UNC13C: variants seen among roughly 807,000 people sequenced by gnomAD.
UNC13C encodes unc-13 homolog C.
A neutral mutation model predicts 245.4 loss-of-function variants in UNC13C; 174 were observed. The observed-to-expected ratio is 0.71, with a 90% confidence interval of 0.63 to 0.80. The LOEUF (loss-of-function observed/expected upper bound fraction) is 0.80. UNC13C is among the 30% of genes least tolerant of loss of function. The pLI, the probability that UNC13C is intolerant of heterozygous loss-of-function variation, is 0.00. For synonymous variants in UNC13C, 992 were observed against 895.1 expected (o/e 1.11, Z -1.93); for missense variants, 2,829 against 2,602.9 (o/e 1.09, Z -1.89).
chr15:53,891,508 GT>G, the UNC13C span, among the ~76,000 whole-genome samples: 2 of 152,062 alleles, frequency 1.3e-5, no homozygotes, highest in Non-Finnish European at 2.9e-5. Context: ...AAGTCTGTAG[GT>G]CTCTAAGAAC....
chr15:54,239,604 C>A (rs2035797638), intron 7 of UNC13C, among the ~76,000 whole-genome samples: 1 of 150,014 alleles, frequency 6.7e-6, no homozygotes, highest in Admixed American at 6.6e-5. Context: ...GCATATGCCA[C>A]CACACTCAGC....
chr15:54,269,475 T>G (rs2036630255), intron 10 of UNC13C, among the ~76,000 whole-genome samples: 1 of 151,674 alleles, frequency 6.6e-6, no homozygotes, highest in African/African-American at 2.4e-5. Flanking sequence ...CCAGTTGTAA[T>G]CAGTAAAATA....
At chr15:54,134,088 T>C (rs1444957457) in intron 2 of UNC13C, among the ~76,000 whole-genome samples, 1 of 147,682 alleles carries the variant, frequency 6.8e-6, no homozygotes, top group Non-Finnish European at 1.5e-5. Flanking sequence ...AGGACACTTA[T>C]GTACTATATT....
intron 25 of UNC13C, among the ~76,000 whole-genome samples, chr15:54,528,438 G>A (rs1204776907): frequency 6.6e-6 from 1 of 151,756 alleles, no homozygotes; most frequent in Non-Finnish European, 1.5e-5. Flanking sequence ...GGCTCCTTGG[G>A]TGCTCCGAAA....
chr15:54,235,238 C>T (rs2035661242), intron 5 of UNC13C, 130 bp downstream of exon 5: 14 of 633,154 alleles, frequency 2.2e-5, no homozygotes, highest in Middle Eastern at 2.9e-4. Flanking sequence ...AGGCCAGATG[C>T]TACCTGCTGT....
chr15:54,534,453 A>T (rs1895900673), intron 26 of UNC13C, among the ~76,000 whole-genome samples: 1 of 152,222 alleles, frequency 6.6e-6, no homozygotes, highest in Non-Finnish European at 1.5e-5. Context: ...CAGCAACTTA[A>T]AAGATTAAAG....
chr15:54,178,112 T>C (rs189114127), intron 4 of UNC13C, among the ~76,000 whole-genome samples: 1 of 152,296 alleles, frequency 6.6e-6, no homozygotes, highest in African/African-American at 2.4e-5. Flanking sequence ...TTCTCTATTT[T>C]TCAGCTACAG....
chr15:54,019,187 C>T (rs1417352365), intron 2 of UNC13C, among the ~76,000 whole-genome samples: 1 of 152,198 alleles, frequency 6.6e-6, no homozygotes, highest in Non-Finnish European at 1.5e-5. Flanking sequence ...AGCTTAATGT[C>T]ATTCAGCTAA....
intron 2 of UNC13C, among the ~76,000 whole-genome samples, chr15:54,062,221 A>G (rs2141079274): frequency 6.6e-6 from 1 of 152,030 alleles, no homozygotes. Context: ...CGGGAGGCTA[A>G]GGCAGGAGAA....
At chr15:54,592,895 G>A (rs1399014488) in intron 30 of UNC13C, among the ~76,000 whole-genome samples, 1 of 140,072 alleles carries the variant, frequency 7.1e-6, no homozygotes. Flanking sequence ...TATTTTTGTT[G>A]TATAGGTCTT....
rs374226613 is a variant in UNC13C at position 54,012,465 on chromosome 15, T to A, written c.-256-183T>A. On this transcript the variant is annotated intron_variant, in intron 1 of 32. Coordinates refer to ENST00000260323, the MANE Select transcript of UNC13C (RefSeq NM_001080534.3). ...TCAAAAAACATTATAAACATAGTTATTGGTAGTGATTTGCTTTCAGTAGTT... is the reference window on the plus strand; with the variant it reads ...TCAAAAAACATTATAAACATAGTTAATGGTAGTGATTTGCTTTCAGTAGTT... Among the ~76,000 whole-genome samples the A allele has an allele frequency of 4.1e-3, 629 of 152,358 alleles. 38 individuals are homozygous for A. In the South Asian group the frequency reaches 0.12, roughly 29 times the overall value.
the UNC13C span, among the ~76,000 whole-genome samples, chr15:53,891,922 T>G: frequency 1.3e-5 from 2 of 152,260 alleles, no homozygotes; most frequent in Non-Finnish European, 2.9e-5. Context: ...GCTGGTTATT[T>G]TGTCCATTAG....
the UNC13C span, among the ~76,000 whole-genome samples, chr15:53,854,652 A>G: frequency 6.6e-6 from 1 of 151,984 alleles, no homozygotes; most frequent in Non-Finnish European, 1.5e-5. Context: ...CCATTGGTTT[A>G]TGTGTCTGTT....
chr15:53,905,395 T>A, the UNC13C span, among the ~76,000 whole-genome samples: 1 of 62,774 alleles, frequency 1.6e-5, no homozygotes, highest in African/African-American at 5.5e-5. Context: ...ATTATATTAC[T>A]TTATACACAC....
At chr15:54,199,128 A>G (rs1241313614) in intron 4 of UNC13C, among the ~76,000 whole-genome samples, 1 of 152,046 alleles carries the variant, frequency 6.6e-6, no homozygotes, top group Non-Finnish European at 1.5e-5. Context: ...AGTTAACCCA[A>G]TCCATCAAAG....
intron 30 of UNC13C, among the ~76,000 whole-genome samples, chr15:54,620,349 GTCCCTTCTTA>G (rs1900717692): frequency 6.6e-6 from 1 of 152,100 alleles, no homozygotes; most frequent in African/African-American, 2.4e-5. Context: ...TACGTTTAGA[GTCCCTTCTTA>G]AAGGTTTTAG....
At chr15:54,280,988 A>G (rs1014270340) in intron 10 of UNC13C, among the ~76,000 whole-genome samples, 5 of 151,710 alleles carry the variant, frequency 3.3e-5, no homozygotes, top group Admixed American at 1.3e-4. Flanking sequence ...AGTAGAGATG[A>G]GGATTTGCCA....
At chr15:54,073,016 C>T (rs12902202) in intron 2 of UNC13C, among the ~76,000 whole-genome samples, 74,824 of 151,812 alleles carry the variant, frequency 0.49, 20,291 homozygotes, top group Non-Finnish European at 0.61. Flanking sequence ...TGTCTCCTAA[C>T]ACTATCCCTC....
rs538854789 is a variant in UNC13C at position 54,536,663 on chromosome 15, A to T, written c.5696+3597A>T. On this transcript the variant is annotated intron_variant, in intron 26 of 32. Transcript: ENST00000260323. ...CATGTAGGATTTATTCCTAGGATGC[A>T]AGGTGGTTTAACAGATGCAAATCAA... 2.0e-5 allele frequency among the ~76,000 whole-genome samples: 3 copies of T among 152,272 alleles called. No homozygotes were observed. In the South Asian group the frequency reaches 6.2e-4, roughly 32 times the overall value.
Sources: allele counts gnomAD v4.1 joint callset (sites outside exome capture counted in the v4.1 genomes callset), GRCh38; gene constraint gnomAD v4.1.1; transcripts MANE v1.5; gene names NCBI Gene and HGNC (gene_info 2026-07-23, HGNC 2026-07-21).